DAB2IP: variants seen among roughly 807,000 people sequenced by gnomAD.
The protein encoded by DAB2IP is DAB2 interacting protein.
A neutral mutation model predicts 107.2 loss-of-function variants in DAB2IP; 28 were observed. The ratio of observed to expected loss-of-function variants is 0.26; its 90% CI spans 0.19 to 0.36. The LOEUF (loss-of-function observed/expected upper bound fraction) is 0.36. DAB2IP is among the 10% of genes least tolerant of loss of function. The pLI is 1.00. For synonymous variants in DAB2IP, 755 were observed against 706.4 expected, an observed-to-expected ratio of 1.07 and a Z score of -1.09; for missense variants, 1,400 against 1,644.7, an observed-to-expected ratio of 0.85 and a Z score of 2.57.
chr9:121,586,718 T>A (rs934059997), intron 1 of DAB2IP, among the ~76,000 whole-genome samples: 3 of 151,264 alleles, frequency 2.0e-5, no homozygotes, highest in Non-Finnish European at 2.9e-5. Flanking sequence ...TACTTGGGAG[T>A]CTGAGGTGGG....
intron 1 of DAB2IP, among the ~76,000 whole-genome samples, chr9:121,622,133 C>T (rs774517977): frequency 3.9e-5 from 6 of 151,950 alleles, no homozygotes; most frequent in Non-Finnish European, 5.9e-5. Context: ...GGACTACAGG[C>T]GTGTGCCACC....
At chr9:121,708,928 G>A (rs890404745) in intron 3 of DAB2IP, among the ~76,000 whole-genome samples, 4 of 152,196 alleles carry the variant, frequency 2.6e-5, no homozygotes, top group African/African-American at 9.6e-5. Context: ...AACTAAGGAG[G>A]CCAGGCACCT....
In DAB2IP at chr9:121,651,775, C is replaced by A. The variant is rs1273578452; in HGVS notation, c.-1C>A. 6.6e-6 allele frequency: 9 copies of A among 1,371,498 alleles called. No individual in the cohort carries two copies. In the African/African-American group the frequency reaches 1.2e-4, roughly 18 times the overall value. 85.0% of individuals were successfully genotyped at this position (1,371,498 alleles called of 1,614,324 possible). A position where few individuals can be genotyped will look rare whatever the true frequency, so the allele number is the denominator to read the frequency against. On this transcript the variant is annotated 5_prime_UTR_variant, in exon 1 of 16. Transcript: ENST00000408936. This position sits in a 1 kb window ranked among gnomAD's most constrained non-coding sequence, Gnocchi z 5.1. ...CGGCCCGGTGCCCGGCGGGCGGCAGCATGTCCGCGGGCGGCAGCGCCAGGA... is the reference window on the plus strand; with the variant it reads ...CGGCCCGGTGCCCGGCGGGCGGCAGAATGTCCGCGGGCGGCAGCGCCAGGA...
intron 3 of DAB2IP, among the ~76,000 whole-genome samples, chr9:121,753,900 C>T (rs1240637641): frequency 6.6e-6 from 1 of 152,182 alleles, no homozygotes; most frequent in East Asian, 1.9e-4. Context: ...CATCTTCTGC[C>T]CTGCCTCTAA....
chr9:121,668,211 T>G (rs1315014249), intron 1 of DAB2IP, among the ~76,000 whole-genome samples: 2 of 137,034 alleles, frequency 1.5e-5, no homozygotes, highest in African/African-American at 5.4e-5. Context: ...TTTTTTTTTT[T>G]GAGATGGAGT....
At chr9:121,598,722 A>T (rs905961952) in intron 1 of DAB2IP, 5 of 152,242 alleles carry the variant, frequency 3.3e-5, no homozygotes, top group African/African-American at 1.2e-4. Flanking sequence ...GACTGGCGGC[A>T]AGGTGAGGAC....
chr9:121,744,314 C>T lies in DAB2IP; in HGVS notation c.363-12699C>T, dbSNP rs552889867. ...GGGAAGACTGTGTCTGGGCCAGGAG[C>T]GTGTTTTGGCTCTGCTTGAATATTT... is the stretch of plus-strand genomic sequence containing the variant. On this transcript the variant is annotated intron_variant, in intron 3 of 15. Transcript: ENST00000408936. 8.5e-5 allele frequency among the ~76,000 whole-genome samples: 13 copies of T among 152,264 alleles called. No homozygotes were observed. The East Asian group carries it at 1.5e-3, about 18-fold the overall frequency.
At chr9:121,707,548 G>C (rs1830121004) in intron 3 of DAB2IP, among the ~76,000 whole-genome samples, 1 of 152,190 alleles carries the variant, frequency 6.6e-6, no homozygotes, top group Admixed American at 6.5e-5. Flanking sequence ...AACAAGCAGG[G>C]CCCTTGTTTT....
chr9:121,595,243 A>C (rs1351670403), intron 1 of DAB2IP, among the ~76,000 whole-genome samples: 2 of 152,016 alleles, frequency 1.3e-5, no homozygotes, highest in Non-Finnish European at 2.9e-5. Flanking sequence ...TGCACCTTAA[A>C]AAAAAAAAGT....
At chr9:121,718,030 T>C (rs1416551999) in intron 3 of DAB2IP, among the ~76,000 whole-genome samples, 2 of 152,158 alleles carry the variant, frequency 1.3e-5, no homozygotes, top group South Asian at 2.1e-4. Context: ...GCTGTCCTTA[T>C]GTGTCGAGGT....
At chr9:121,722,164 G>A (rs1830973754) in intron 3 of DAB2IP, among the ~76,000 whole-genome samples, 1 of 152,182 alleles carries the variant, frequency 6.6e-6, no homozygotes, top group Non-Finnish European at 1.5e-5. Context: ...GGGGGCTGTC[G>A]ATCTCTCCGT....
chr9:121,768,271 C>G (rs1834437191), intron 9 of DAB2IP, among the ~76,000 whole-genome samples, 161 bp from the exon 10 acceptor site: 1 of 152,106 alleles, frequency 6.6e-6, no homozygotes, highest in Non-Finnish European at 1.5e-5. Flanking sequence ...GCAAGGAGGG[C>G]CCTGGTGACC....
rs149945931 is a variant in DAB2IP, at chr9:121,768,616, G to A, written c.1882G>A (p.Val628Ile). Residue 628 changes from valine to isoleucine, a missense_variant, in exon 10 of 16, where the codon GTC becomes ATC. This residue lies in a region of DAB2IP where 517 missense variants were observed against 748.6 expected (regional missense o/e 0.69). Coordinates refer to ENST00000408936, the Ensembl canonical transcript of DAB2IP. ...CCTGCACTCACTGCTCTGGGAGGCC[G>A]TCAGCCAGCTGGAGCAGGTGCCTGT... 5.3e-5 allele frequency: 86 copies of A among 1,613,882 alleles called. No individual in the cohort carries two copies. The African/African-American group carries it at 7.5e-4, about 14-fold the overall frequency.
intron 3 of DAB2IP, among the ~76,000 whole-genome samples, chr9:121,752,596 T>A (rs992136946): frequency 7.2e-5 from 11 of 152,204 alleles, no homozygotes; most frequent in African/African-American, 2.7e-4. Flanking sequence ...AAGGACAGCA[T>A]GTGCCTGGGG....
intron 1 of DAB2IP, among the ~76,000 whole-genome samples, chr9:121,617,066 G>T (rs1455439497): frequency 6.6e-6 from 1 of 152,184 alleles, no homozygotes; most frequent in African/African-American, 2.4e-5. Context: ...AGGCACGCTG[G>T]CTCATGCCTG....
In DAB2IP at chr9:121,583,156, G is replaced by A. The variant is rs978517895; in HGVS notation, c.40+15928G>A. ...AATCCCAACACTTTGGGAGGCCAAG[G>A]TGGGTGGATCACTTAAGGTCAGCAG... On this transcript the variant is annotated intron_variant, in intron 1 of 16. Transcript: ENST00000259371. Among the ~76,000 whole-genome samples the A allele has an allele frequency of 3.3e-5, 5 of 152,376 alleles. No individual in the cohort carries two copies. The South Asian group carries it at 8.3e-4, about 25-fold the overall frequency.
At chr9:121,781,354 G>GC in intron 14 of DAB2IP, 110 bp from the exon 15 acceptor site, 1 of 1,034,472 alleles carries the variant, frequency 9.7e-7, no homozygotes, top group Non-Finnish European at 1.5e-6. Flanking sequence ...CCAAGGAGGG[G>GC]CTCTCCTAGT....
intron 1 of DAB2IP, among the ~76,000 whole-genome samples, chr9:121,624,390 C>G (rs1397610546): frequency 2.0e-5 from 3 of 152,198 alleles, no homozygotes; most frequent in African/African-American, 7.2e-5. Flanking sequence ...ACGGCCAAAT[C>G]CAGACCATGC....
chr9:121,729,300 C>G (rs1454973720), intron 3 of DAB2IP, among the ~76,000 whole-genome samples: 1 of 152,202 alleles, frequency 6.6e-6, no homozygotes, highest in Non-Finnish European at 1.5e-5. Flanking sequence ...TGTGTTCTCA[C>G]CCTTTATCTC....
Sources: allele counts gnomAD v4.1 joint callset (sites outside exome capture counted in the v4.1 genomes callset), GRCh38; gene constraint gnomAD v4.1.1; regional missense constraint gnomAD v4.1.1; non-coding constraint Gnocchi (gnomAD v3.1); transcripts MANE v1.5; gene names NCBI Gene and HGNC (gene_info 2026-07-23, HGNC 2026-07-21).